Variants in CERT1 observed in about 807,000 individuals in gnomAD.
CERT1 encodes ceramide transfer protein.
In CERT1, 31 loss-of-function variants were observed where a neutral mutation model predicts 87.9. That is an observed-to-expected ratio of 0.35 (90% CI 0.27 to 0.48). The LOEUF is 0.48. Ranked by LOEUF, CERT1 falls within the 20% of genes least tolerant of loss-of-function variation. The pLI, the probability that CERT1 is intolerant of heterozygous loss-of-function variation, is 0.99. For synonymous variants in CERT1, 289 were observed against 250.9 expected, an observed-to-expected ratio of 1.15 and a Z score of -1.44; for missense variants, 487 against 758.0, an observed-to-expected ratio of 0.64 and a Z score of 4.20.
intron 7 of CERT1, 79 bp downstream of exon 7, chr5:75,416,797 G>A (rs573742336): frequency 5.5e-5 from 69 of 1,263,206 alleles, no homozygotes; most frequent in Non-Finnish European, 7.6e-5. Context: ...TCCCTAAGAA[G>A]TTAGCTTGTT....
At chr5:75,509,136 T>C (rs940263430) in intron 1 of CERT1, among the ~76,000 whole-genome samples, 15 of 152,194 alleles carry the variant, frequency 9.9e-5, no homozygotes, top group African/African-American at 3.4e-4. Context: ...AATATAAATT[T>C]ACCCAAGCCC....
intron 3 of CERT1, among the ~76,000 whole-genome samples, chr5:75,457,479 A>G (rs989814466): frequency 1.3e-5 from 2 of 152,188 alleles, no homozygotes; most frequent in African/African-American, 4.8e-5. Flanking sequence ...TCTCTTTTAA[A>G]TAATAGAAAA....
intron 2 of CERT1, among the ~76,000 whole-genome samples, chr5:75,487,457 C>T (rs545536399): frequency 4.6e-5 from 7 of 151,998 alleles, no homozygotes; most frequent in African/African-American, 1.4e-4. Flanking sequence ...GCACAGGCAA[C>T]CAGAGCAAAA....
At chr5:75,493,775 G>A (rs1247069438) in intron 2 of CERT1, among the ~76,000 whole-genome samples, 2 of 151,842 alleles carry the variant, frequency 1.3e-5, no homozygotes, top group African/African-American at 2.4e-5. Flanking sequence ...TCTGCCTGGA[G>A]CTCCTACTGT....
intron 7 of CERT1, among the ~76,000 whole-genome samples, chr5:75,414,740 C>T (rs1763070397): frequency 6.6e-6 from 1 of 152,110 alleles, no homozygotes; most frequent in Non-Finnish European, 1.5e-5. Context: ...TATAAATCTA[C>T]ATAAAAGTAT....
chr5:75,463,936 C>T (rs1273509254), intron 2 of CERT1, among the ~76,000 whole-genome samples: 1 of 152,006 alleles, frequency 6.6e-6, no homozygotes, highest in Non-Finnish European at 1.5e-5. Flanking sequence ...ATCTCATTGT[C>T]CAGATGCAGT....
intron 2 of CERT1, among the ~76,000 whole-genome samples, chr5:75,477,659 A>AAC (rs1383463936): frequency 6.7e-6 from 1 of 150,070 alleles, no homozygotes; most frequent in Non-Finnish European, 1.5e-5. Flanking sequence ...AAAAAAAAAA[A>AAC]AAAAAAAAAA....
At chr5:75,442,145 G>C (rs1282141885) in intron 3 of CERT1, among the ~76,000 whole-genome samples, 6 of 152,152 alleles carry the variant, frequency 3.9e-5, no homozygotes, top group Non-Finnish European at 4.4e-5. Flanking sequence ...ACTCAGGCTG[G>C]AGAGCAATTT....
chr5:75,450,560 C>T (rs1764730799), intron 3 of CERT1, among the ~76,000 whole-genome samples: 1 of 152,116 alleles, frequency 6.6e-6, no homozygotes, highest in African/African-American at 2.4e-5. Context: ...TTTCTGATCC[C>T]GAAGAGACTG....
chr5:75,436,465 AG>A (rs1019468338), intron 3 of CERT1, among the ~76,000 whole-genome samples: 3 of 152,202 alleles, frequency 2.0e-5, no homozygotes, highest in Non-Finnish European at 4.4e-5. Flanking sequence ...TTGTAAGTGT[AG>A]TACTCTATTT....
rs80101165 is a variant in CERT1 at position 75,389,287 on chromosome 5, G to A, written c.1284+305C>T. Among the ~76,000 whole-genome samples the A allele has an allele frequency of 1.1e-3, 164 of 152,172 alleles. 1 individual carries two copies. The East Asian group carries it at 0.027, about 25-fold the overall frequency. ...AAACAAAAGGAAATATCCAAATACAGGACCATCAGCTAATTGTGACCTGGT... is the reference window on the plus strand; with the variant it reads ...AAACAAAAGGAAATATCCAAATACAAGACCATCAGCTAATTGTGACCTGGT... On this transcript the variant is annotated intron_variant, in intron 12 of 16. Coordinates refer to ENST00000643780, the MANE Select transcript of CERT1 (RefSeq NM_001379029.1).
chr5:75,478,180 G>A (rs6865606), intron 2 of CERT1, among the ~76,000 whole-genome samples: 10,521 of 152,074 alleles, frequency 0.069, 823 homozygotes, highest in African/African-American at 0.19. Flanking sequence ...AGGTGTGGTG[G>A]CGCAGCACCT....
chr5:75,395,555 CAAAAAAAAAA>C lies in CERT1; in HGVS notation c.1188+3745_1188+3754del, dbSNP rs35109034. Reference sequence around the variant, plus strand: ...GGACAAGTGAAACCTTGTCTCTTTACAAAAAAAAAAAAAAAAAAAAAAAATGCTGGGCATG... The same window carrying C: ...GGACAAGTGAAACCTTGTCTCTTTACAAAAAAAAAAAAAATGCTGGGCATG... On this transcript the variant is annotated intron_variant, in intron 11 of 16. Coordinates refer to ENST00000643780, the MANE Select transcript of CERT1 (RefSeq NM_001379029.1). Among the ~76,000 whole-genome samples, 207 of 48,012 alleles carry C rather than the reference CAAAAAAAAAA, an allele frequency of 4.3e-3. 1 individual carries two copies. Among genetic ancestry groups the C allele is most frequent in the Admixed American group, 0.026 (100 of 3,860 alleles). The allele number at this position is 48,012 out of a possible 152,430, so 31.5% of individuals were successfully genotyped here.
chr5:75,465,633 C>A (rs1765424729), intron 2 of CERT1, among the ~76,000 whole-genome samples: 1 of 152,166 alleles, frequency 6.6e-6, no homozygotes, highest in African/African-American at 2.4e-5. Context: ...GTAGACTAGG[C>A]AACAAAAACC....
chr5:75,464,638 C>T (rs988642760), intron 2 of CERT1, among the ~76,000 whole-genome samples: 3 of 152,118 alleles, frequency 2.0e-5, no homozygotes, highest in African/African-American at 7.2e-5. Context: ...TGGAGTGGTG[C>T]AATCTTGGCT....
At chr5:75,369,559 C>T (rs1249567633) in intron 17 of CERT1, 1 of 152,120 alleles carries the variant, frequency 6.6e-6, no homozygotes, top group African/African-American at 2.4e-5. Flanking sequence ...TTTGTAACCC[C>T]AACCTGTTCC....
In CERT1 at chr5:75,510,572, C is replaced by T. The variant is rs560868985; in HGVS notation, c.96+540G>A. On this transcript the variant is annotated intron_variant, in intron 1 of 16. Coordinates refer to ENST00000643780, the MANE Select transcript of CERT1 (RefSeq NM_001379029.1). ...AATATCTCTATTCTGAACTAAGGTA[C>T]AGGGTGAGGGAGAAAGTCCTCCACA... Among the ~76,000 whole-genome samples, 12 of 152,248 alleles carry T rather than the reference C, an allele frequency of 7.9e-5. No individual in the cohort carries two copies. In the East Asian group the frequency reaches 9.7e-4, roughly 12 times the overall value.
downstream of CERT1, chr5:75,374,667 T>G (rs867476174): frequency 1.6e-6 from 1 of 629,722 alleles, no homozygotes; most frequent in African/African-American, 1.8e-5. Context: ...CAAGCTGTTA[T>G]GTGAAGCTAT....
intron 3 of CERT1, among the ~76,000 whole-genome samples, chr5:75,451,702 G>GAC (rs1304997522): frequency 2.0e-5 from 3 of 152,036 alleles, no homozygotes; most frequent in African/African-American, 7.2e-5. Context: ...GACTTTATAT[G>GAC]ACCTTGATAT....
Sources: allele counts gnomAD v4.1 joint callset (sites outside exome capture counted in the v4.1 genomes callset), GRCh38; gene constraint gnomAD v4.1.1; transcripts MANE v1.5; gene names NCBI Gene and HGNC (gene_info 2026-07-23, HGNC 2026-07-21).